FGF12: variants seen among roughly 807,000 people sequenced by gnomAD.
FGF12 encodes the protein fibroblast growth factor 12B.
In FGF12, 14 loss-of-function variants were observed where a neutral mutation model predicts 23.6. The observed-to-expected ratio is 0.59, with a 90% CI of 0.39 to 0.93. The LOEUF (loss-of-function observed/expected upper bound fraction) is 0.93. Ranked by LOEUF, FGF12 falls within the 40% of genes least tolerant of loss-of-function variation. FGF12 has a pLI of 0.00. For missense variants in FGF12, 175 were observed against 217.8 expected (o/e 0.80, Z 1.24); for synonymous variants, 62 against 77.3 (o/e 0.80, Z 1.04).
intron 2 of FGF12, among the ~76,000 whole-genome samples, chr3:192,688,375 G>A (rs1717832977): frequency 6.6e-6 from 1 of 152,146 alleles, no homozygotes; most frequent in Non-Finnish European, 1.5e-5. Flanking sequence ...CTCTGCCACA[G>A]GTGAGGGTCT....
chr3:192,313,083 A>T (rs1182838322), intron 4 of FGF12, among the ~76,000 whole-genome samples: 1 of 152,186 alleles, frequency 6.6e-6, no homozygotes, highest in African/African-American at 2.4e-5. Context: ...ATTCTGTCGA[A>T]ATTAGTTTCC....
At chr3:192,699,094 C>G (rs2108728218) in intron 2 of FGF12, among the ~76,000 whole-genome samples, 1 of 152,188 alleles carries the variant, frequency 6.6e-6, no homozygotes, top group East Asian at 1.9e-4. Context: ...CCCGATAAAT[C>G]CTTATAACCC....
chr3:192,215,611 C>G (rs1367707122), intron 4 of FGF12, among the ~76,000 whole-genome samples: 1 of 152,198 alleles, frequency 6.6e-6, no homozygotes, highest in Non-Finnish European at 1.5e-5. Flanking sequence ...CTCCTGCCGA[C>G]TCTGTACCTA....
At chr3:192,626,653 C>T (rs925454934) in intron 2 of FGF12, among the ~76,000 whole-genome samples, 2 of 152,150 alleles carry the variant, frequency 1.3e-5, no homozygotes, top group Admixed American at 6.6e-5. Flanking sequence ...TGCTCTGTCA[C>T]CCAGGCTGAA....
chr3:192,247,919 C>T (rs190973238), intron 4 of FGF12, among the ~76,000 whole-genome samples: 1 of 152,260 alleles, frequency 6.6e-6, no homozygotes, highest in Non-Finnish European at 1.5e-5. Context: ...ATTGTAATGT[C>T]TAAAAAATTA....
rs1050420331 is a variant in FGF12, at chr3:192,514,911, G to A, written c.14-154373C>T. ...ACATGGAGCCGGAGGGAGCCCGGGC[G>A]CCGGCAGGGGGCGGGCCGGGACGCG... is the stretch of plus-strand genomic sequence containing the variant. On this transcript the variant is annotated intron_variant, in intron 2 of 5. Coordinates refer to ENST00000445105, the MANE Select transcript of FGF12 (RefSeq NM_004113.6). The surrounding 1 kb of genome is among the most constrained non-coding windows in gnomAD (Gnocchi z 4.9). The A allele has an allele frequency of 1.0e-5, 10 of 979,448 alleles. No individual in the cohort carries two copies. Among genetic ancestry groups the A allele is most frequent in the African/African-American group, 1.8e-5 (1 of 57,126 alleles). The allele number at this position is 979,448 out of a possible 1,614,324, so 60.7% of individuals were successfully genotyped here.
At chr3:192,502,817 T>C (rs115199974) in intron 2 of FGF12, among the ~76,000 whole-genome samples, 1,922 of 152,356 alleles carry the variant, frequency 0.013, 50 homozygotes, top group African/African-American at 0.043. Context: ...CCATTATGCA[T>C]ATCTAGGCTA....
intron 2 of FGF12, among the ~76,000 whole-genome samples, chr3:192,377,392 AC>A (rs1393064414): frequency 6.6e-6 from 1 of 152,196 alleles, no homozygotes; most frequent in African/African-American, 2.4e-5. Flanking sequence ...CTTTTCTGGC[AC>A]ATAGAGATTT....
chr3:192,341,903 C>A (rs1188551606), intron 3 of FGF12, among the ~76,000 whole-genome samples: 1 of 93,406 alleles, frequency 1.1e-5, no homozygotes, highest in Non-Finnish European at 2.5e-5. Context: ...ACCATCCTAA[C>A]ATTTGGAGTT....
intron 2 of FGF12, among the ~76,000 whole-genome samples, chr3:192,706,405 T>G (rs1345099704): frequency 6.6e-6 from 1 of 152,126 alleles, no homozygotes; most frequent in Non-Finnish European, 1.5e-5. Flanking sequence ...CAAAGCGACT[T>G]TGCCAAGGTC....
chr3:192,400,954 G>T (rs1466898944), intron 2 of FGF12, among the ~76,000 whole-genome samples: 3 of 152,062 alleles, frequency 2.0e-5, no homozygotes, highest in Admixed American at 1.3e-4. Flanking sequence ...TTGTTTTCAG[G>T]ATCCTTTACA....
chr3:192,200,268 G>A (rs1450853956), intron 4 of FGF12, among the ~76,000 whole-genome samples: 2 of 151,988 alleles, frequency 1.3e-5, no homozygotes, highest in East Asian at 1.9e-4. Context: ...GGCAGAAGTT[G>A]CAGTGAGCCG....
intron 4 of FGF12, among the ~76,000 whole-genome samples, chr3:192,294,050 T>C (rs1714904109): frequency 6.6e-6 from 1 of 152,170 alleles, no homozygotes; most frequent in Non-Finnish European, 1.5e-5. Context: ...CTCATGGTAG[T>C]GAATAAATCT....
At chr3:192,526,368 T>A (rs1488076009) in intron 2 of FGF12, among the ~76,000 whole-genome samples, 1 of 152,220 alleles carries the variant, frequency 6.6e-6, no homozygotes, top group Non-Finnish European at 1.5e-5. Context: ...TTATTACAAC[T>A]GTAACGGCTG....
At chr3:192,184,642 C>T (rs962751874) in intron 4 of FGF12, among the ~76,000 whole-genome samples, 2 of 152,224 alleles carry the variant, frequency 1.3e-5, no homozygotes, top group Admixed American at 6.5e-5. Context: ...CCTAATGATG[C>T]TATCAATGCA....
At chr3:192,645,522 A>G (rs981419121) in intron 2 of FGF12, among the ~76,000 whole-genome samples, 2 of 152,088 alleles carry the variant, frequency 1.3e-5, no homozygotes, top group Non-Finnish European at 2.9e-5. Context: ...AAGAAAGATA[A>G]TGAGTCCAGT....
chr3:192,529,674 T>C (rs932766036), intron 2 of FGF12, among the ~76,000 whole-genome samples: 1 of 152,180 alleles, frequency 6.6e-6, no homozygotes, highest in East Asian at 1.9e-4. Context: ...TGGTTCCACC[T>C]GGCTCGGGGG....
At chr3:192,327,710 C>T (rs1186011741) in intron 4 of FGF12, among the ~76,000 whole-genome samples, 1 of 151,748 alleles carries the variant, frequency 6.6e-6, no homozygotes, top group Non-Finnish European at 1.5e-5. Context: ...ATACAAATTG[C>T]TTTTTTTGAG....
chr3:192,291,568 AC>A (rs1337938637), intron 4 of FGF12, among the ~76,000 whole-genome samples: 1 of 152,064 alleles, frequency 6.6e-6, no homozygotes, highest in Non-Finnish European at 1.5e-5. Flanking sequence ...GGGCAAAAGA[AC>A]AAAACCCTGT....
Sources: gnomAD v4.1 joint callset for allele counts (sites outside exome capture counted in the v4.1 genomes callset) on GRCh38, gnomAD v4.1.1 for gene constraint, Gnocchi (gnomAD v3.1) non-coding constraint, MANE v1.5 for transcripts, NCBI Gene and HGNC (gene_info 2026-07-23, HGNC 2026-07-21) for gene names.